KIAA1217: variants seen among roughly 807,000 people sequenced by gnomAD.
KIAA1217 encodes KIAA1217, also known as sickle tail protein homolog.
KIAA1217 carries 88 observed loss-of-function variants against 163.9 expected under a neutral mutation model. The ratio of observed to expected loss-of-function variants is 0.54; its 90% CI spans 0.45 to 0.64. KIAA1217 has a LOEUF of 0.64. Among genes scored for constraint, KIAA1217 ranks in the 30% least tolerant of loss-of-function variants. The probability of loss-of-function intolerance (pLI) is 0.00; values close to 1 mark genes in which losing one functional copy is unlikely to be tolerated. For synonymous variants in KIAA1217, 903 were observed against 923.1 expected, an observed-to-expected ratio of 0.98 and a Z score of 0.39; for missense variants, 2,372 against 2,475.0, an observed-to-expected ratio of 0.96 and a Z score of 0.88.
chr10:23,703,572 C>T (rs1836636924), intron 1 of KIAA1217, among the ~76,000 whole-genome samples: 1 of 152,144 alleles, frequency 6.6e-6, no homozygotes, highest in Non-Finnish European at 1.5e-5. Context: ...TCTGCTGTGG[C>T]CAATTACAAC....
chr10:23,714,914 G>A (rs1310039047), intron 1 of KIAA1217, among the ~76,000 whole-genome samples: 1 of 152,140 alleles, frequency 6.6e-6, no homozygotes, highest in Non-Finnish European at 1.5e-5. Context: ...AAGGGTATAT[G>A]TGCTTTAGCT....
chr10:24,531,351 C>A (rs1245494013), intron 14 of KIAA1217, among the ~76,000 whole-genome samples: 1 of 152,208 alleles, frequency 6.6e-6, no homozygotes, highest in African/African-American at 2.4e-5. Context: ...TCAGCAGAAA[C>A]CCCTCTTGCT....
At chr10:24,243,550 T>C (rs1236862662) in intron 2 of KIAA1217, among the ~76,000 whole-genome samples, 1 of 152,038 alleles carries the variant, frequency 6.6e-6, no homozygotes, top group African/African-American at 2.4e-5. Flanking sequence ...GCTAGTTCAC[T>C]TAGGATAATG....
chr10:23,933,264 A>G (rs563474967), intron 1 of KIAA1217, among the ~76,000 whole-genome samples: 2 of 152,260 alleles, frequency 1.3e-5, no homozygotes, highest in East Asian at 3.9e-4. Context: ...ACCAAATAAT[A>G]TTTTTTGAAA....
intron 1 of KIAA1217, among the ~76,000 whole-genome samples, chr10:23,955,941 A>G (rs1261540192): frequency 1.3e-5 from 2 of 152,166 alleles, no homozygotes; most frequent in African/African-American, 4.8e-5. Context: ...TAGATTCGAG[A>G]TGGTATCTAA....
intron 1 of KIAA1217, among the ~76,000 whole-genome samples, chr10:23,831,126 C>T (rs1255733437): frequency 6.6e-6 from 1 of 152,060 alleles, no homozygotes; most frequent in Non-Finnish European, 1.5e-5. Flanking sequence ...AAATTAGACC[C>T]TTATCTCGTG....
At chr10:24,481,950 G>A (rs376174981) in intron 6 of KIAA1217, 1 of 152,086 alleles carries the variant, frequency 6.6e-6, no homozygotes, top group African/African-American at 2.4e-5. Context: ...ATGACATCTC[G>A]ATATGATGTT....
At chr10:24,194,449 G>A (rs1357355208) in intron 2 of KIAA1217, among the ~76,000 whole-genome samples, 1 of 148,148 alleles carries the variant, frequency 6.8e-6, no homozygotes, top group Non-Finnish European at 1.5e-5. Flanking sequence ...AGCCTCCTAA[G>A]TCACTGGGAC....
At chr10:24,502,599 C>G (rs1394649228) in intron 9 of KIAA1217, among the ~76,000 whole-genome samples, 2 of 152,176 alleles carry the variant, frequency 1.3e-5, no homozygotes, top group African/African-American at 4.8e-5. Flanking sequence ...TCTCCCACCT[C>G]CCTGCCCTGG....
At chr10:23,752,710 C>A (rs531006037) in intron 1 of KIAA1217, among the ~76,000 whole-genome samples, 1 of 152,240 alleles carries the variant, frequency 6.6e-6, no homozygotes, top group Admixed American at 6.5e-5. Context: ...TTAGTTATGA[C>A]ATGTTACTAA....
At chr10:24,044,284 G>T (rs574295457) in intron 2 of KIAA1217, among the ~76,000 whole-genome samples, 3 of 152,136 alleles carry the variant, frequency 2.0e-5, no homozygotes, top group Admixed American at 6.5e-5. Context: ...CGTGGTTGTC[G>T]TAAGATCAAG....
rs181534504 is a variant in KIAA1217, at chr10:24,057,772, G to A, written c.-171+50398G>A. Among the ~76,000 whole-genome samples, 21 of 151,942 alleles carry A rather than the reference G, an allele frequency of 1.4e-4. No homozygotes were observed. The East Asian group carries it at 1.6e-3, about 11-fold the overall frequency. ...TATTAGGTTTTTTTGCTATTAAACC[G>A]TAGGTGTTCCTTACCTACTTTGGAA... On this transcript the variant is annotated intron_variant, in intron 2 of 18. Transcript: ENST00000376462.
intron 3 of KIAA1217, among the ~76,000 whole-genome samples, chr10:24,400,619 A>C (rs962186559): frequency 6.6e-6 from 1 of 152,224 alleles, no homozygotes; most frequent in Non-Finnish European, 1.5e-5. Context: ...ATTTGTGAAC[A>C]ATACTAGAGA....
chr10:24,309,772 C>T (rs2042469987), intron 2 of KIAA1217, among the ~76,000 whole-genome samples: 1 of 152,126 alleles, frequency 6.6e-6, no homozygotes, highest in South Asian at 2.1e-4. Context: ...GCAGTTAATG[C>T]AGGTAATCCA....
intron 1 of KIAA1217, among the ~76,000 whole-genome samples, chr10:23,837,408 A>G (rs1208613822): frequency 6.6e-6 from 1 of 152,174 alleles, no homozygotes; most frequent in Non-Finnish European, 1.5e-5. Flanking sequence ...TCAAGACCTT[A>G]GTAATTTAAT....
At chr10:23,763,690 C>T (rs995632748) in intron 1 of KIAA1217, among the ~76,000 whole-genome samples, 1 of 152,042 alleles carries the variant, frequency 6.6e-6, no homozygotes, top group Non-Finnish European at 1.5e-5. Flanking sequence ...TAAGCATGGG[C>T]GAAGACTTCA....
At chr10:24,244,979 ATATTATGCATTTG>A (rs1460642425) in intron 2 of KIAA1217, among the ~76,000 whole-genome samples, 2 of 152,128 alleles carry the variant, frequency 1.3e-5, no homozygotes. Flanking sequence ...CCAATGTGAA[ATATTATGCATTTG>A]GAGAAGCCCT....
chr10:24,107,540 G>C (rs928748676), intron 2 of KIAA1217, among the ~76,000 whole-genome samples: 9 of 152,206 alleles, frequency 5.9e-5, no homozygotes, highest in African/African-American at 2.2e-4. Context: ...AATCTCACCA[G>C]CATCTGTTAC....
chr10:23,919,231 G>A (rs938170600), intron 1 of KIAA1217, among the ~76,000 whole-genome samples: 4 of 151,068 alleles, frequency 2.6e-5, no homozygotes, highest in Non-Finnish European at 4.4e-5. Context: ...TTTGAAGCTA[G>A]GGTCATTTTT....
Sources: gnomAD v4.1 joint callset for allele counts (sites outside exome capture counted in the v4.1 genomes callset) on GRCh38, gnomAD v4.1.1 for gene constraint, MANE v1.5 for transcripts, NCBI Gene and HGNC (gene_info 2026-07-23, HGNC 2026-07-21) for gene names.